NTRK3: variants seen among roughly 807,000 people sequenced by gnomAD.
NTRK3 encodes the protein neurotrophic receptor tyrosine kinase 3, also known as NT-3 growth factor receptor.
Under a neutral mutation model 91.7 loss-of-function variants are expected in NTRK3, and 24 were observed. The ratio of observed to expected loss-of-function variants is 0.26; its 90% confidence interval spans 0.19 to 0.37. The LOEUF (loss-of-function observed/expected upper bound fraction) is 0.37. Ranked by LOEUF, NTRK3 falls within the 10% of genes least tolerant of loss-of-function variation. NTRK3 has a pLI of 1.00. For synonymous variants in NTRK3, 483 were observed against 404.0 expected, an observed-to-expected ratio of 1.20 and a Z score of -2.34; for missense variants, 880 against 1,068.9, an observed-to-expected ratio of 0.82 and a Z score of 2.46.
At chr15:88,211,271 A>C (rs1180125571) in intron 3 of NTRK3, among the ~76,000 whole-genome samples, 1 of 152,220 alleles carries the variant, frequency 6.6e-6, no homozygotes, top group Non-Finnish European at 1.5e-5. Context: ...ATGCACATGC[A>C]TTTGTATCTG....
intron 17 of NTRK3, among the ~76,000 whole-genome samples, chr15:87,888,620 G>A (rs1567072888): frequency 6.6e-6 from 1 of 152,142 alleles, no homozygotes; most frequent in Non-Finnish European, 1.5e-5. Context: ...TTTGTTAAAT[G>A]CTTTTACTAA....
At chr15:87,862,673 A>G (rs1435680488) in exon 19 of NTRK3, 2 of 228,922 alleles carry the variant, frequency 8.7e-6, no homozygotes, top group East Asian at 6.2e-5. Context: ...TCACAAAGCA[A>G]TGTGACAACA....
chr15:87,881,323 TA>T (rs1052216658), intron 17 of NTRK3, among the ~76,000 whole-genome samples: 1 of 152,218 alleles, frequency 6.6e-6, no homozygotes, highest in African/African-American at 2.4e-5. Flanking sequence ...AACTCATTGT[TA>T]AAAAAACTAC....
intron 14 of NTRK3, among the ~76,000 whole-genome samples, chr15:87,966,284 A>T (rs1276527174): frequency 1.3e-5 from 2 of 152,258 alleles, no homozygotes; most frequent in African/African-American, 4.8e-5. Flanking sequence ...TGGAAGTTAT[A>T]AATCAAGCTA....
At chr15:88,032,386 C>T (rs901286166) in intron 14 of NTRK3, among the ~76,000 whole-genome samples, 2 of 152,066 alleles carry the variant, frequency 1.3e-5, no homozygotes, top group South Asian at 2.1e-4. Context: ...GTGCACACTT[C>T]GGGGCACTGG....
chr15:87,978,270 G>C, intron 14 of NTRK3: 2 of 231,058 alleles, frequency 8.7e-6, no homozygotes, highest in Non-Finnish European at 1.7e-5. Context: ...ATGAGTCAAA[G>C]CAAGCAAAGT....
chr15:87,908,869 T>C (rs2066924717), intron 17 of NTRK3, among the ~76,000 whole-genome samples: 1 of 151,726 alleles, frequency 6.6e-6, no homozygotes, highest in South Asian at 2.1e-4. Context: ...CCAGCTGTCT[T>C]CCTCTGTGGG....
At chr15:88,038,471 C>A (rs965003257) in intron 13 of NTRK3, among the ~76,000 whole-genome samples, 33 of 152,256 alleles carry the variant, frequency 2.2e-4, no homozygotes, top group African/African-American at 7.7e-4. Flanking sequence ...TATAGGGCTA[C>A]GGCTGGCACT....
chr15:88,225,232 G>A (rs1489166394), intron 3 of NTRK3, among the ~76,000 whole-genome samples: 1 of 152,156 alleles, frequency 6.6e-6, no homozygotes, highest in African/African-American at 2.4e-5. Context: ...GTGCTGCTGG[G>A]TTTGCTTTCC....
intron 17 of NTRK3, among the ~76,000 whole-genome samples, chr15:87,899,023 C>T (rs1448151286): frequency 6.6e-6 from 1 of 152,060 alleles, no homozygotes; most frequent in African/African-American, 2.4e-5. Context: ...ACTCTAATTG[C>T]AACTGTTACT....
At chr15:88,051,713 A>G (rs1158959982) in intron 13 of NTRK3, among the ~76,000 whole-genome samples, 1 of 152,210 alleles carries the variant, frequency 6.6e-6, no homozygotes, top group Admixed American at 6.5e-5. Flanking sequence ...TGTTAACTAA[A>G]AATAATTCTA....
intron 3 of NTRK3, among the ~76,000 whole-genome samples, chr15:88,197,126 A>AC (rs1567627795): frequency 2.7e-5 from 4 of 146,654 alleles, no homozygotes; most frequent in Non-Finnish European, 1.5e-5. Context: ...AAAAAAAAAA[A>AC]ACCTCTGTGA....
intron 13 of NTRK3, among the ~76,000 whole-genome samples, chr15:88,036,288 G>A (rs932013950): frequency 6.6e-6 from 1 of 151,994 alleles, no homozygotes; most frequent in Admixed American, 6.6e-5. Flanking sequence ...CCAGGCAAGA[G>A]GGATACATTT....
intron 13 of NTRK3, among the ~76,000 whole-genome samples, chr15:88,066,951 T>G (rs112516195): frequency 2.0e-5 from 3 of 152,202 alleles, no homozygotes; most frequent in Non-Finnish European, 4.4e-5. Flanking sequence ...CAGGCTCCAC[T>G]GGCCCTTCCA....
Position 87,954,007 on chromosome 15 carries a change from AGTGTGTGTGTGT to A in NTRK3, c.1586-13266_1586-13255del, listed in dbSNP as rs61653896. Among the ~76,000 whole-genome samples, 265 of 127,736 alleles carry A rather than the reference AGTGTGTGTGTGT, an allele frequency of 2.1e-3. 1 individual carries two copies. The highest frequency in any genetic ancestry group is 4.1e-3 in the African/African-American group (141 of 34,590). 83.8% of individuals were successfully genotyped at this position (127,736 alleles called of 152,430 possible). A position where few individuals can be genotyped will look rare whatever the true frequency, so the allele number is the denominator to read the frequency against. On this transcript the variant is annotated intron_variant, in intron 14 of 18. Transcript: ENST00000394480. ...TGCTCTGCTCCTGCCAGACCTTTTCAGTGTGTGTGTGTGTGTGTGTGTGTGTGTGTGTGTGTG... is the reference window on the plus strand; with the variant it reads ...TGCTCTGCTCCTGCCAGACCTTTTCAGTGTGTGTGTGTGTGTGTGTGTGTG...
chr15:88,171,416 G>A (rs1393935473), intron 5 of NTRK3, among the ~76,000 whole-genome samples: 1 of 152,112 alleles, frequency 6.6e-6, no homozygotes, highest in East Asian at 1.9e-4. Flanking sequence ...CCCCACCCCG[G>A]CTCTGTAACT....
chr15:88,069,157 A>C (rs2046901270), intron 13 of NTRK3, among the ~76,000 whole-genome samples: 1 of 152,136 alleles, frequency 6.6e-6, no homozygotes, highest in Admixed American at 6.5e-5. Flanking sequence ...CCTACAGTAG[A>C]AGCATGAAAC....
At chr15:87,860,446 C>T in exon 19 of NTRK3, 1 of 218,846 alleles carries the variant, frequency 4.6e-6, no homozygotes, top group East Asian at 6.7e-5. Flanking sequence ...AGAACACACC[C>T]CTCTAACCTG....
intron 3 of NTRK3, among the ~76,000 whole-genome samples, chr15:88,203,371 A>G (rs1027410843): frequency 6.6e-6 from 1 of 152,204 alleles, no homozygotes; most frequent in Non-Finnish European, 1.5e-5. Flanking sequence ...CGCATGACTC[A>G]GACCCCAATA....
Sources: allele counts gnomAD v4.1 joint callset (sites outside exome capture counted in the v4.1 genomes callset), GRCh38; gene constraint gnomAD v4.1.1; transcripts MANE v1.5; gene names NCBI Gene and HGNC (gene_info 2026-07-23, HGNC 2026-07-21).